The following HTR7 variants were observed in gnomAD, a reference collection of about 807,000 sequenced individuals.
The protein encoded by HTR7 is 5-hydroxytryptamine receptor 7.
HTR7 carries 16 observed loss-of-function variants against 34.0 expected under a neutral mutation model. The observed-to-expected ratio is 0.47, with a 90% confidence interval of 0.32 to 0.71. HTR7 has a LOEUF of 0.71. Ranked by LOEUF, HTR7 falls within the 30% of genes least tolerant of loss-of-function variation. HTR7 has a pLI of 0.04. For missense variants in HTR7, 504 were observed against 625.5 expected (o/e 0.81, Z 2.07); for synonymous variants, 265 against 260.2 (o/e 1.02, Z -0.18).
chr10:90,823,758 G>A (rs1442568081), intron 1 of HTR7, among the ~76,000 whole-genome samples: 2 of 152,170 alleles, frequency 1.3e-5, no homozygotes, highest in East Asian at 3.9e-4. Context: ...GGTGGGAGTT[G>A]ATTCAATTAT....
At chr10:90,828,358 A>T (rs915287525) in intron 1 of HTR7, among the ~76,000 whole-genome samples, 1 of 152,210 alleles carries the variant, frequency 6.6e-6, no homozygotes, top group African/African-American at 2.4e-5. Flanking sequence ...AATAAATATC[A>T]GAGCAGAAAT....
chr10:90,839,445 A>G (rs1487099987), intron 1 of HTR7, among the ~76,000 whole-genome samples: 1 of 150,718 alleles, frequency 6.6e-6, no homozygotes, highest in East Asian at 1.9e-4. Context: ...GTTCCAGATG[A>G]AAAAAAAACC....
intron 1 of HTR7, among the ~76,000 whole-genome samples, chr10:90,750,286 G>A (rs1163904262): frequency 6.6e-6 from 1 of 152,052 alleles, no homozygotes; most frequent in Non-Finnish European, 1.5e-5. Flanking sequence ...CAGTTCTTAG[G>A]AGAATCACAA....
intron 1 of HTR7, among the ~76,000 whole-genome samples, chr10:90,817,766 T>C (rs1287003392): frequency 1.3e-5 from 2 of 152,208 alleles, no homozygotes; most frequent in African/African-American, 2.4e-5. Flanking sequence ...AAAACCGGTA[T>C]ATAAATGTTC....
Position 90,813,148 on chromosome 10 carries a change from C to T in HTR7, c.539+43985G>A, listed in dbSNP as rs1295029170. 3.9e-5 allele frequency among the ~76,000 whole-genome samples: 6 copies of T among 152,282 alleles called. No individual in the cohort carries two copies. The South Asian group carries it at 1.2e-3, about 32-fold the overall frequency. On this transcript the variant is annotated intron_variant, in intron 1 of 3. Coordinates refer to ENST00000336152, the MANE Select transcript of HTR7 (RefSeq NM_019859.4). ...TCTTATAAAACGGCCCCACCCCTAT[C>T]TCCCTTTGCTGACTCTCTTTTCAGA...
At chr10:90,820,425 G>C (rs1361915771) in intron 1 of HTR7, among the ~76,000 whole-genome samples, 1 of 152,164 alleles carries the variant, frequency 6.6e-6, no homozygotes, top group Non-Finnish European at 1.5e-5. Context: ...ACCACCATTA[G>C]TGCTTAGTGC....
chr10:90,798,592 T>A (rs988639619), intron 1 of HTR7, among the ~76,000 whole-genome samples: 1 of 152,194 alleles, frequency 6.6e-6, no homozygotes, highest in African/African-American at 2.4e-5. Context: ...GGCACATGCC[T>A]GAGTCCCAGC....
At chr10:90,793,088 G>T (rs1845484400) in intron 1 of HTR7, among the ~76,000 whole-genome samples, 1 of 152,078 alleles carries the variant, frequency 6.6e-6, no homozygotes, top group South Asian at 2.1e-4. Flanking sequence ...GTGAATCAAA[G>T]AAAACAATCA....
At chr10:90,843,394 T>C (rs552650862) in intron 1 of HTR7, among the ~76,000 whole-genome samples, 1 of 152,166 alleles carries the variant, frequency 6.6e-6, no homozygotes, top group Non-Finnish European at 1.5e-5. Context: ...AGGTGAGAAT[T>C]AGGAAGAAAA....
intron 1 of HTR7, among the ~76,000 whole-genome samples, chr10:90,785,137 A>T (rs898995204): frequency 2.0e-5 from 3 of 152,150 alleles, no homozygotes; most frequent in Non-Finnish European, 4.4e-5. Context: ...GTAATATAAG[A>T]CGCATTAGCA....
In HTR7 at chr10:90,742,312, T is replaced by A; in HGVS notation, c.*170A>T. 1 of 525,034 alleles carries A rather than the reference T, an allele frequency of 1.9e-6. No homozygotes were observed. The highest frequency in any genetic ancestry group is 3.4e-6 in the Non-Finnish European group (1 of 296,462). 32.5% of individuals were successfully genotyped at this position (525,034 alleles called of 1,614,324 possible). On this transcript the variant is annotated 3_prime_UTR_variant, in exon 4 of 4. Transcript: ENST00000336152. ...ACTGATCCACAGAAAAAAGGAGAAGTCACCATCTCCCTCATAAGATAGTGT... is the reference window on the plus strand; with the variant it reads ...ACTGATCCACAGAAAAAAGGAGAAGACACCATCTCCCTCATAAGATAGTGT...
At chr10:90,790,749 T>C (rs1274399267) in intron 1 of HTR7, among the ~76,000 whole-genome samples, 1 of 152,082 alleles carries the variant, frequency 6.6e-6, no homozygotes, top group African/African-American at 2.4e-5. Context: ...TTTTAAAAAA[T>C]ACTGCCATTT....
At chr10:90,834,817 G>A (rs1434872564) in intron 1 of HTR7, among the ~76,000 whole-genome samples, 1 of 152,152 alleles carries the variant, frequency 6.6e-6, no homozygotes, top group Non-Finnish European at 1.5e-5. Flanking sequence ...GGTAAAGCAA[G>A]TTATAAGGCC....
Position 90,857,024 on chromosome 10 carries a change from C to T in HTR7, c.539+109G>A, listed in dbSNP as rs1846591146. The T allele has an allele frequency of 3.8e-6, 4 of 1,056,508 alleles. No homozygotes were observed. Among genetic ancestry groups the T allele is most frequent in the Non-Finnish European group, 5.4e-6 (4 of 740,294 alleles). 65.4% of individuals were successfully genotyped at this position (1,056,508 alleles called of 1,614,324 possible). A position where few individuals can be genotyped will look rare whatever the true frequency, so the allele number is the denominator to read the frequency against. On this transcript the variant is annotated intron_variant, in intron 1 of 3. Coordinates refer to ENST00000336152, the MANE Select transcript of HTR7 (RefSeq NM_019859.4). This position sits in a 1 kb window ranked among gnomAD's most constrained non-coding sequence, Gnocchi z 6.5. Reference sequence around the variant, plus strand: ...GAGCGGTGTTTTAAGCGCAGCCCTTCATCCCGCCTTGAAGTCTAGCTTGAT... The same window carrying T: ...GAGCGGTGTTTTAAGCGCAGCCCTTTATCCCGCCTTGAAGTCTAGCTTGAT...
Position 90,806,374 on chromosome 10 carries a change from G to A in HTR7, c.539+50759C>T, listed in dbSNP as rs541470220. On this transcript the variant is annotated intron_variant, in intron 1 of 3. Transcript: ENST00000336152. ...AACACTTTGGGAGGCTGAGGTGGGC[G>A]GATCACGAGGTCAGGAGATCGAGAC... 7.9e-5 allele frequency among the ~76,000 whole-genome samples: 12 copies of A among 152,232 alleles called. 1 individual carries two copies. In the South Asian group the frequency reaches 1.7e-3, roughly 21 times the overall value.
intron 1 of HTR7, among the ~76,000 whole-genome samples, chr10:90,805,574 G>A (rs914130077): frequency 1.3e-5 from 2 of 152,124 alleles, no homozygotes; most frequent in Non-Finnish European, 2.9e-5. Context: ...TCTCCCCTAA[G>A]AGTCATGTGT....
At chr10:90,853,272 ATTTCTTTTTTT>A (rs979870851) in intron 1 of HTR7, among the ~76,000 whole-genome samples, 4 of 137,588 alleles carry the variant, frequency 2.9e-5, no homozygotes, top group East Asian at 2.2e-4. Context: ...AAGTAATTTG[ATTTCTTTTTTT>A]TTTCTTTTTT....
intron 1 of HTR7, among the ~76,000 whole-genome samples, chr10:90,763,323 T>C (rs935897834): frequency 4.6e-5 from 7 of 152,246 alleles, no homozygotes; most frequent in African/African-American, 1.4e-4. Context: ...CAATGTCTTA[T>C]AGATTTCAGT....
At chr10:90,853,657 C>A (rs1422716961) in intron 1 of HTR7, among the ~76,000 whole-genome samples, 1 of 151,970 alleles carries the variant, frequency 6.6e-6, no homozygotes, top group African/African-American at 2.4e-5. Context: ...CACAAGGGAA[C>A]TTTCTTGGAT....
Sources: allele counts gnomAD v4.1 joint callset (sites outside exome capture counted in the v4.1 genomes callset), GRCh38; gene constraint gnomAD v4.1.1; non-coding constraint Gnocchi (gnomAD v3.1); transcripts MANE v1.5; gene names NCBI Gene and HGNC (gene_info 2026-07-23, HGNC 2026-07-21).